The following SHANK2 variants were observed in gnomAD, a reference collection of about 807,000 sequenced individuals.
The protein encoded by SHANK2 is SH3 and multiple ankyrin repeat domains protein 2.
SHANK2 carries 43 observed loss-of-function variants against 133.7 expected under a neutral mutation model. The observed-to-expected ratio is 0.32, with a 90% CI of 0.25 to 0.41. SHANK2 has a LOEUF of 0.41. Ranked by LOEUF, SHANK2 falls within the 10% of genes least tolerant of loss-of-function variation. SHANK2 has a pLI of 1.00. For synonymous variants in SHANK2, 1,017 were observed against 952.8 expected (o/e 1.07, Z -1.24); for missense variants, 1,994 against 2,235.8 (o/e 0.89, Z 2.18).
chr11:70,820,965 T>C (rs1402029520), intron 11 of SHANK2, among the ~76,000 whole-genome samples: 1 of 152,096 alleles, frequency 6.6e-6, no homozygotes, highest in Admixed American at 6.5e-5. Context: ...TGAGCTTCCA[T>C]CTGGCCTGGG....
chr11:71,178,041 G>A (rs560513856), intron 2 of SHANK2, among the ~76,000 whole-genome samples: 3 of 152,298 alleles, frequency 2.0e-5, no homozygotes, highest in Non-Finnish European at 4.4e-5. Context: ...AGTTTAAATA[G>A]AGAGTAACAT....
At chr11:70,707,482 G>T (rs1412046402) in intron 14 of SHANK2, among the ~76,000 whole-genome samples, 1 of 151,924 alleles carries the variant, frequency 6.6e-6, no homozygotes, top group African/African-American at 2.4e-5. Context: ...TCCATGGGCA[G>T]TGGTCCCCTC....
intron 10 of SHANK2, among the ~76,000 whole-genome samples, chr11:70,921,941 A>T (rs1024227711): frequency 6.6e-6 from 1 of 152,232 alleles, no homozygotes; most frequent in Non-Finnish European, 1.5e-5. Context: ...AAAGAGAAAA[A>T]ACAGTCAATA....
At chr11:71,116,906 A>G (rs1388222102) in intron 4 of SHANK2, among the ~76,000 whole-genome samples, 2 of 152,308 alleles carry the variant, frequency 1.3e-5, no homozygotes, top group East Asian at 3.9e-4. Flanking sequence ...TTCTGCCATG[A>G]GAACAAGCTC....
chr11:70,699,988 T>C (rs1945483454), intron 14 of SHANK2, among the ~76,000 whole-genome samples: 1 of 152,216 alleles, frequency 6.6e-6, no homozygotes, highest in Non-Finnish European at 1.5e-5. Flanking sequence ...TTCTGCCAGC[T>C]CAACGCTCAG....
intron 17 of SHANK2, among the ~76,000 whole-genome samples, chr11:70,537,663 C>A (rs1478447149): frequency 6.6e-6 from 1 of 152,218 alleles, no homozygotes; most frequent in South Asian, 2.1e-4. Context: ...CTTGAAGCTG[C>A]CCCGTTTGTA....
chr11:70,866,382 G>A (rs1949359659), intron 11 of SHANK2, among the ~76,000 whole-genome samples: 1 of 152,126 alleles, frequency 6.6e-6, no homozygotes, highest in Non-Finnish European at 1.5e-5. Context: ...GAGAGAAATG[G>A]TCAAAAGAGC....
intron 11 of SHANK2, among the ~76,000 whole-genome samples, chr11:70,881,507 G>A (rs1328871988): frequency 6.6e-6 from 1 of 150,494 alleles, no homozygotes; most frequent in Admixed American, 6.7e-5. Context: ...TTGAGCTCAG[G>A]AGTTTAAGAC....
intron 17 of SHANK2, among the ~76,000 whole-genome samples, chr11:70,563,527 C>T (rs2059933115): frequency 7.2e-6 from 1 of 139,450 alleles, no homozygotes; most frequent in African/African-American, 2.6e-5. Flanking sequence ...GGTGTATTTC[C>T]ATCTGTGGTC....
intron 2 of SHANK2, among the ~76,000 whole-genome samples, chr11:71,168,502 G>A (rs548683191): frequency 2.0e-5 from 3 of 151,968 alleles, no homozygotes; most frequent in South Asian, 2.1e-4. Flanking sequence ...GTAGCGAGCC[G>A]AGATCACGCC....
chr11:70,664,651 T>C (rs1398083968), intron 15 of SHANK2, among the ~76,000 whole-genome samples: 7 of 152,184 alleles, frequency 4.6e-5, no homozygotes, highest in Non-Finnish European at 8.8e-5. Flanking sequence ...CCCAACGCCA[T>C]CCAAACCTTG....
chr11:70,771,572 C>T (rs1316569063), intron 14 of SHANK2, among the ~76,000 whole-genome samples: 1 of 152,030 alleles, frequency 6.6e-6, no homozygotes, highest in Non-Finnish European at 1.5e-5. Context: ...ACGATGGCTC[C>T]AGGGGATCTG....
At chr11:70,844,568 C>T (rs1767940046) in intron 11 of SHANK2, among the ~76,000 whole-genome samples, 1 of 152,208 alleles carries the variant, frequency 6.6e-6, no homozygotes, top group Non-Finnish European at 1.5e-5. Flanking sequence ...GAGCACCTGG[C>T]CCTCCTGCTG....
chr11:71,091,233 G>A (rs1951513863), intron 8 of SHANK2, among the ~76,000 whole-genome samples: 1 of 151,908 alleles, frequency 6.6e-6, no homozygotes, highest in Admixed American at 6.6e-5. Flanking sequence ...GTGTGGGCCG[G>A]GGGCTGCCAT....
chr11:71,157,481 G>A (rs1555109259), intron 2 of SHANK2, among the ~76,000 whole-genome samples: 1 of 152,084 alleles, frequency 6.6e-6, no homozygotes, highest in Non-Finnish European at 1.5e-5. Flanking sequence ...TTTTCTTGGT[G>A]GCACCAGTAA....
chr11:70,473,112 C>T lies in SHANK2; in HGVS notation c.5307G>A (p.Leu1769=). 1 of 1,614,248 alleles carries T rather than the reference C, an allele frequency of 6.2e-7. No individual in the cohort carries two copies. Among genetic ancestry groups the T allele is most frequent in the Non-Finnish European group, 8.5e-7 (1 of 1,180,046 alleles). Residue 1769 remains leucine, a synonymous_variant, in exon 26 of 26, where the codon CTG becomes CTA. Transcript: ENST00000601538. The surrounding 1 kb of genome is among the most constrained non-coding windows in gnomAD (Gnocchi z 5.9). ...GRSRSPSPSI[L]QQPISNKPFT... Reference sequence around the variant, plus strand: ...AAGGCTTATTTGAGATTGGCTGTTGCAGTATCGAGGGGGATGGCGACCTAC... The same window carrying T: ...AAGGCTTATTTGAGATTGGCTGTTGTAGTATCGAGGGGGATGGCGACCTAC...
At chr11:71,114,015 G>GC (rs1191733063) in intron 4 of SHANK2, among the ~76,000 whole-genome samples, 3 of 152,126 alleles carry the variant, frequency 2.0e-5, no homozygotes, top group Admixed American at 2.0e-4. Context: ...CCCTCCTCCA[G>GC]CCCCCCGCTT....
intron 2 of SHANK2, among the ~76,000 whole-genome samples, chr11:71,155,473 G>A (rs1314713258): frequency 6.7e-6 from 1 of 148,974 alleles, no homozygotes; most frequent in Non-Finnish European, 1.5e-5. Flanking sequence ...CCCTGCCCAC[G>A]CTCCCAGAGG....
intron 11 of SHANK2, among the ~76,000 whole-genome samples, chr11:70,875,461 T>C (rs1590785873): frequency 6.6e-6 from 1 of 150,502 alleles, no homozygotes; most frequent in Non-Finnish European, 1.5e-5. Flanking sequence ...GGAGTGGAGG[T>C]TGCAGTGAGC....
Sources: gnomAD v4.1 joint callset for allele counts (sites outside exome capture counted in the v4.1 genomes callset) on GRCh38, gnomAD v4.1.1 for gene constraint, Gnocchi (gnomAD v3.1) non-coding constraint, MANE v1.5 for transcripts, NCBI Gene and HGNC (gene_info 2026-07-23, HGNC 2026-07-21) for gene names.